Variants in LIN54 observed in about 807,000 individuals in gnomAD.
LIN54 encodes protein lin-54 homolog.
A neutral mutation model predicts 78.7 loss-of-function variants in LIN54; 9 were observed. The ratio of observed to expected loss-of-function variants is 0.11; its 90% CI spans 0.07 to 0.20. The LOEUF (loss-of-function observed/expected upper bound fraction) is 0.20. LIN54 is among the 10% of genes least tolerant of loss of function. The probability of loss-of-function intolerance (pLI) is 1.00; values close to 1 mark genes in which losing one functional copy is unlikely to be tolerated. For missense variants in LIN54, 573 were observed against 889.9 expected, an observed-to-expected ratio of 0.64 and a Z score of 4.53; for synonymous variants, 269 against 318.4, an observed-to-expected ratio of 0.84 and a Z score of 1.65.
chr4:82,928,099 G>C lies in LIN54; in HGVS notation c.*3C>G. Reference sequence around the variant, plus strand: ...TTCCATTTATCAGTCTTTTGTGCAAGAGTTAGCAATTCATGGCACAAGGGT... The same window carrying C: ...TTCCATTTATCAGTCTTTTGTGCAACAGTTAGCAATTCATGGCACAAGGGT... On this transcript the variant is annotated 3_prime_UTR_variant, in exon 13 of 13. Coordinates refer to ENST00000340417, the MANE Select transcript of LIN54 (RefSeq NM_194282.4). 6.2e-7 allele frequency: 1 copy of C among 1,612,996 alleles called. No individual in the cohort carries two copies. The highest frequency in any genetic ancestry group is 1.1e-5 in the South Asian group (1 of 91,058).
At chr4:82,967,152 G>C (rs1725269960) in intron 4 of LIN54, among the ~76,000 whole-genome samples, 1 of 151,666 alleles carries the variant, frequency 6.6e-6, no homozygotes, top group Admixed American at 6.6e-5. Context: ...TTTGAACCCA[G>C]GAGGTGGAGG....
In LIN54 at chr4:82,946,603, C is replaced by T. The variant is rs1013760348; in HGVS notation, c.952-129G>A. 13 of 697,832 alleles carry T rather than the reference C, an allele frequency of 1.9e-5. No individual in the cohort carries two copies. In the African/African-American group the frequency reaches 2.0e-4, roughly 11 times the overall value. 43.2% of individuals were successfully genotyped at this position (697,832 alleles called of 1,614,324 possible). On this transcript the variant is annotated intron_variant, in intron 4 of 12. Transcript: ENST00000340417. ...CATCAAAAGCTGCTGAAAGGAACAA[C>T]CTGTTCAAAGAGAAATGAAAAGAAT...
At chr4:82,944,680 G>A (rs1023043520) in intron 5 of LIN54, 108 of 152,104 alleles carry the variant, frequency 7.1e-4, no homozygotes, top group African/African-American at 2.4e-3. Flanking sequence ...TCCCTCAGGT[G>A]AACCACCTAT....
At chr4:82,932,931 TG>T (rs1722089379) in intron 11 of LIN54, among the ~76,000 whole-genome samples, 1 of 152,136 alleles carries the variant, frequency 6.6e-6, no homozygotes, top group Admixed American at 6.5e-5. Flanking sequence ...AGTATGTTTT[TG>T]TTAGCTGTGT....
At chr4:83,002,493 G>A (rs1417020360) in intron 1 of LIN54, among the ~76,000 whole-genome samples, 1 of 151,656 alleles carries the variant, frequency 6.6e-6, no homozygotes, top group African/African-American at 2.4e-5. Flanking sequence ...GAGGGAGGCA[G>A]GGGAAAAAAA....
At chr4:82,944,656 ATTC>A (rs1183648598) in intron 5 of LIN54, 1 of 152,184 alleles carries the variant, frequency 6.6e-6, no homozygotes, top group Non-Finnish European at 1.5e-5. Context: ...AATAGGTTTT[ATTC>A]TTCTATAGGT....
rs114028588 is a variant in LIN54, at chr4:82,977,546, C to A, written c.808+1337G>T. On this transcript the variant is annotated intron_variant, in intron 3 of 12. Transcript: ENST00000340417. ...CTAAAATGAGAAGCCTCTCTACATA[C>A]AAATACAAATCAAGCCTACATACAA... 8.4e-3 allele frequency among the ~76,000 whole-genome samples: 1,273 copies of A among 152,274 alleles called. 21 individuals are homozygous for A. Among genetic ancestry groups the A allele is most frequent in the African/African-American group, 0.029 (1,185 of 41,552 alleles).
intron 1 of LIN54, among the ~76,000 whole-genome samples, chr4:82,994,285 T>C (rs540671052): frequency 2.6e-5 from 4 of 152,286 alleles, no homozygotes; most frequent in Admixed American, 6.5e-5. Context: ...AATTTAATTA[T>C]AGTATTGTCA....
intron 5 of LIN54, among the ~76,000 whole-genome samples, 156 bp from the exon 6 acceptor site, chr4:82,940,118 C>A (rs1273453119): frequency 6.6e-6 from 1 of 152,202 alleles, no homozygotes; most frequent in Non-Finnish European, 1.5e-5. Flanking sequence ...AGGATAGTTA[C>A]CTTTCAAAAT....
At chr4:82,982,829 A>T (rs1726784066) in intron 2 of LIN54, among the ~76,000 whole-genome samples, 1 of 152,202 alleles carries the variant, frequency 6.6e-6, no homozygotes, top group South Asian at 2.1e-4. Context: ...GTGGTTTCTA[A>T]TTCTACTGTC....
At chr4:82,957,975 T>C (rs753034244) in intron 4 of LIN54, among the ~76,000 whole-genome samples, 1 of 152,210 alleles carries the variant, frequency 6.6e-6, no homozygotes, top group East Asian at 1.9e-4. Flanking sequence ...TCTGCACTTT[T>C]ATATCACCTA....
Position 82,979,020 on chromosome 4 carries a change from A to T in LIN54, c.685-14T>A. ...CTTCTTAGCAATCTGAAACATATAA[A>T]TAACTATGAAGACCATCTGTTTCTA... On this transcript the variant is annotated splice_polypyrimidine_tract_variant and intron_variant, in intron 2 of 12. Transcript: ENST00000340417. 6.5e-7 allele frequency: 1 copy of T among 1,550,000 alleles called. No individual in the cohort carries two copies. Among genetic ancestry groups the T allele is most frequent in the Non-Finnish European group, 8.8e-7 (1 of 1,137,498 alleles).
At chr4:82,976,054 G>A (rs1726135979) in intron 3 of LIN54, among the ~76,000 whole-genome samples, 1 of 152,162 alleles carries the variant, frequency 6.6e-6, no homozygotes, top group Admixed American at 6.5e-5. Context: ...ACCTTGCCAA[G>A]ACCCTTAGTC....
chr4:82,958,746 G>T (rs1019608651), intron 4 of LIN54, among the ~76,000 whole-genome samples: 5 of 151,830 alleles, frequency 3.3e-5, no homozygotes, highest in Admixed American at 2.0e-4. Context: ...TCCACTGCCC[G>T]TGCTGGAAGG....
intron 1 of LIN54, among the ~76,000 whole-genome samples, chr4:82,991,304 T>C (rs955337429): frequency 5.9e-5 from 9 of 152,220 alleles, no homozygotes; most frequent in South Asian, 2.1e-4. Context: ...TTTTTGATGC[T>C]GTTATAAATG....
chr4:82,999,686 G>C (rs969215603), intron 1 of LIN54, among the ~76,000 whole-genome samples: 1 of 146,580 alleles, frequency 6.8e-6, no homozygotes, highest in Non-Finnish European at 1.5e-5. Context: ...GCAGAGGTGG[G>C]ACAATAGCTT....
intron 4 of LIN54, among the ~76,000 whole-genome samples, chr4:82,955,519 ATCATT>A (rs1724236894): frequency 6.6e-6 from 1 of 152,222 alleles, no homozygotes; most frequent in South Asian, 2.1e-4. Context: ...AGAAATATCA[ATCATT>A]TCCAAACTTA....
intron 1 of LIN54, among the ~76,000 whole-genome samples, chr4:82,986,060 G>C (rs184252922): frequency 4.6e-4 from 70 of 152,294 alleles, no homozygotes; most frequent in Admixed American, 4.2e-3. Flanking sequence ...ATAGCAGTGA[G>C]TTATTTGCCC....
chr4:83,004,331 G>A (rs577102251), intron 1 of LIN54, among the ~76,000 whole-genome samples: 24 of 150,292 alleles, frequency 1.6e-4, no homozygotes, highest in South Asian at 4.2e-4. Flanking sequence ...CCTGGGAGGC[G>A]GAGGTTGCAG....
Sources: gnomAD v4.1 joint callset for allele counts (sites outside exome capture counted in the v4.1 genomes callset) on GRCh38, gnomAD v4.1.1 for gene constraint, MANE v1.5 for transcripts, NCBI Gene and HGNC (gene_info 2026-07-23, HGNC 2026-07-21) for gene names.